The following MFSD2A variants were observed in gnomAD, a reference collection of about 807,000 sequenced individuals.
MFSD2A encodes MFSD2 lysolipid transporter A, lysophospholipid.
MFSD2A carries 27 observed loss-of-function variants against 64.7 expected under a neutral mutation model. The ratio of observed to expected loss-of-function variants is 0.42; its 90% confidence interval spans 0.31 to 0.58. The LOEUF is 0.58. MFSD2A is among the 20% of genes least tolerant of loss of function. MFSD2A has a pLI of 0.18. For synonymous variants in MFSD2A, 258 were observed against 273.4 expected (o/e 0.94, Z 0.55); for missense variants, 474 against 679.5 (o/e 0.70, Z 3.36).
At chr1:39,967,946 T>A in intron 11 of MFSD2A, 30 bp downstream of exon 11, 1 of 1,416,994 alleles carries the variant, frequency 7.1e-7, no homozygotes. Flanking sequence ...CCTCCTCGGG[T>A]ATCTCCAGCC....
chr1:39,962,572 G>C lies in MFSD2A; in HGVS notation c.354-2639G>C, dbSNP rs1179742685. 3 of 633,172 alleles carry C rather than the reference G, an allele frequency of 4.7e-6. No homozygotes were observed. In the African/African-American group the frequency reaches 5.5e-5, roughly 12 times the overall value. 39.2% of individuals were successfully genotyped at this position (633,172 alleles called of 1,614,324 possible). On this transcript the variant is annotated intron_variant, in intron 3 of 13. Transcript: ENST00000372811. ...ATGGCGGATGACACTGGTGCAGCGG[G>C]GGGGCCTGGAGGCCCTGGTGGCCCT...
At position 39,958,597 on chromosome 1, in the gene MFSD2A, A is replaced by G; in HGVS notation, c.229-104A>G. The G allele has an allele frequency of 1.3e-6, 2 of 1,590,436 alleles. No individual in the cohort carries two copies. The highest frequency in any genetic ancestry group is 2.2e-5 in the South Asian group (2 of 90,270). Reference sequence around the variant, plus strand: ...CATGTGGGAGCAGCTCAGGGTCACAAGATCCTGGCTGAGATAGGGAGGGAG... The same window carrying G: ...CATGTGGGAGCAGCTCAGGGTCACAGGATCCTGGCTGAGATAGGGAGGGAG... On this transcript the variant is annotated intron_variant, in intron 2 of 13. Transcript: ENST00000372811. This position sits in a 1 kb window ranked among gnomAD's most constrained non-coding sequence, Gnocchi z 4.7.
Position 39,964,963 on chromosome 1 carries a change from T to G in MFSD2A, c.354-248T>G. 4 of 560,246 alleles carry G rather than the reference T, an allele frequency of 7.1e-6. No individual in the cohort carries two copies. In the East Asian group the frequency reaches 1.2e-4, roughly 17 times the overall value. The allele number at this position is 560,246 out of a possible 1,614,324, so 34.7% of individuals were successfully genotyped here. A position where few individuals can be genotyped will look rare whatever the true frequency, so the allele number is the denominator to read the frequency against. On this transcript the variant is annotated intron_variant, in intron 3 of 13. Transcript: ENST00000372811. The surrounding 1 kb of genome is among the most constrained non-coding windows in gnomAD (Gnocchi z 4.1). ...AGAGGCTGCTGCCTCTGGACTAGAC[T>G]CAGGCTCTGACCTCACACTCCATGC...
chr1:39,965,376 A>C lies in MFSD2A; in HGVS notation c.477+42A>C. 2 of 1,613,478 alleles carry C rather than the reference A, an allele frequency of 1.2e-6. No homozygotes were observed. The highest frequency in any genetic ancestry group is 1.3e-5 in the African/African-American group (1 of 74,918). The stretch of plus-strand genomic sequence containing the variant: ...CCCTTGGGTGTCTCTAGGGGCCGGG[A>C]GGAGGGCGGTCCTTGGGGCCCCCAG... On this transcript the variant is annotated intron_variant, in intron 4 of 13. Coordinates refer to ENST00000372811, the MANE Select transcript of MFSD2A (RefSeq NM_032793.5). The surrounding 1 kb of genome is among the most constrained non-coding windows in gnomAD (Gnocchi z 5.5).
Position 39,958,952 on chromosome 1 carries a change from G to A in MFSD2A, c.353+127G>A. The A allele has an allele frequency of 8.5e-7, 1 of 1,169,848 alleles. No homozygotes were observed. Among genetic ancestry groups the A allele is most frequent in the Non-Finnish European group, 1.2e-6 (1 of 835,640 alleles). 72.5% of individuals were successfully genotyped at this position (1,169,848 alleles called of 1,614,324 possible). A position where few individuals can be genotyped will look rare whatever the true frequency, so the allele number is the denominator to read the frequency against. On this transcript the variant is annotated intron_variant, in intron 3 of 13. Transcript: ENST00000372811. This position sits in a 1 kb window ranked among gnomAD's most constrained non-coding sequence, Gnocchi z 4.7. Reference sequence around the variant, plus strand: ...GAAGGAAGGAGTTAAAAGCCCAAGGGTGTTGAAACCCCATCCGAGGCATCA... The same window carrying A: ...GAAGGAAGGAGTTAAAAGCCCAAGGATGTTGAAACCCCATCCGAGGCATCA...
rs1285121217 is a variant in MFSD2A, at chr1:39,963,777, C to T, written c.354-1434C>T. The stretch of plus-strand genomic sequence containing the variant: ...TTGAGACAGGGCCTCACTCCGTCAC[C>T]AGGCTGGAGTGCAGTGGTGCGATCT... On this transcript the variant is annotated intron_variant, in intron 3 of 13. Coordinates refer to ENST00000372811, the MANE Select transcript of MFSD2A (RefSeq NM_032793.5). This position sits in a 1 kb window ranked among gnomAD's most constrained non-coding sequence, Gnocchi z 4.2. 3.9e-5 allele frequency among the ~76,000 whole-genome samples: 6 copies of T among 152,212 alleles called. No homozygotes were observed. Among genetic ancestry groups the T allele is most frequent in the African/African-American group, 1.4e-4 (6 of 41,456 alleles).
rs1423732632 is a variant in MFSD2A at position 39,958,893 on chromosome 1, T to C, written c.353+68T>C. On this transcript the variant is annotated intron_variant, in intron 3 of 13. Transcript: ENST00000372811. This position sits in a 1 kb window ranked among gnomAD's most constrained non-coding sequence, Gnocchi z 4.7. Reference sequence around the variant, plus strand: ...TCCAGCATATCTGCTCCTTGGTCCTTCTCTCTGTCTTGTCACAGGCAGAAG... The same window carrying C: ...TCCAGCATATCTGCTCCTTGGTCCTCCTCTCTGTCTTGTCACAGGCAGAAG... The C allele has an allele frequency of 1.3e-6, 2 of 1,493,912 alleles. No homozygotes were observed. Among genetic ancestry groups the C allele is most frequent in the African/African-American group, 2.8e-5 (2 of 71,208 alleles). 92.5% of individuals were successfully genotyped at this position (1,493,912 alleles called of 1,614,324 possible). A position where few individuals can be genotyped will look rare whatever the true frequency, so the allele number is the denominator to read the frequency against.
In MFSD2A at chr1:39,955,342, C is replaced by G. The variant is rs944330586; in HGVS notation, c.50C>G (p.Pro17Arg). 2 of 1,452,716 alleles carry G rather than the reference C, an allele frequency of 1.4e-6. No homozygotes were observed. The highest frequency in any genetic ancestry group is 1.8e-6 in the Non-Finnish European group (2 of 1,100,854). 90.0% of individuals were successfully genotyped at this position (1,452,716 alleles called of 1,614,324 possible). The stretch of plus-strand genomic sequence containing the variant: ...AGCGGCTCCGCGGCGGGGCTGCTAC[C>G]CACCAGCATCCTCCAAAGCACTGAA... ...AESGSAAGLL[P>R]TSILQSTERP... Residue 17 changes from proline (P) to arginine (R), a missense_variant, in exon 1 of 14, where the codon CCC (proline) becomes CGC (arginine). Transcript: ENST00000372811. This position sits in a 1 kb window ranked among gnomAD's most constrained non-coding sequence, Gnocchi z 5.9.
At chr1:39,969,362 AAGTGGG>A (rs1645234253) in intron 13 of MFSD2A, 137 bp from the exon 14 acceptor site, 1 of 598,644 alleles carries the variant, frequency 1.7e-6, no homozygotes, top group African/African-American at 1.9e-5. Context: ...CAACAGTTGA[AAGTGGG>A]AGTGAGCAAA....
chr1:39,961,706 C>G (rs752022865), intron 3 of MFSD2A, among the ~76,000 whole-genome samples: 2 of 151,628 alleles, frequency 1.3e-5, no homozygotes, highest in African/African-American at 2.4e-5. Flanking sequence ...GAGATGGGGT[C>G]TTGTTATGTT....
Position 39,968,759 on chromosome 1 carries a change from G to C in MFSD2A, c.1529+14G>C. The stretch of plus-strand genomic sequence containing the variant: ...GCAGGCACTGAGGTGAGTGGGGAGG[G>C]GACAGGATGCTGGAGGAGGGGACGT... On this transcript the variant is annotated intron_variant, in intron 13 of 13. Transcript: ENST00000372811. The surrounding 1 kb of genome is among the most constrained non-coding windows in gnomAD (Gnocchi z 4.4). The C allele has an allele frequency of 2.5e-6, 4 of 1,613,646 alleles. No homozygotes were observed. Among genetic ancestry groups the C allele is most frequent in the Non-Finnish European group, 3.4e-6 (4 of 1,179,858 alleles).
At position 39,966,685 on chromosome 1, in the gene MFSD2A, C is replaced by T. The variant is rs1557638412; in HGVS notation, c.799C>T (p.Gln267Ter). 6.2e-7 allele frequency: 1 copy of T among 1,613,910 alleles called. No homozygotes were observed. ...AVILILGVRE[Q>*]REPYEAQQSE... is the part of the protein sequence containing the mutation. ...CATCCTGATCCTGGGCGTGCGGGAGCAGAGAGGTAAGGGGGTGCCTGGGAA... is the reference window on the plus strand; with the variant it reads ...CATCCTGATCCTGGGCGTGCGGGAGTAGAGAGGTAAGGGGGTGCCTGGGAA... Residue 267 changes from glutamine to a stop codon, truncating the protein, a stop_gained, in exon 7 of 14, where the codon CAG (glutamine) becomes TAG (stop). Transcript: ENST00000372811. LOFTEE classifies it high-confidence loss of function.
In MFSD2A at chr1:39,955,740, G is replaced by A. The variant is rs756242549; in HGVS notation, c.93+355G>A. ...CCCAGAAATCTGGGAAACTCCCCTT[G>A]GTTCCCCATCTCTCATCCCCTACCT... On this transcript the variant is annotated intron_variant, in intron 1 of 13. Transcript: ENST00000372811. The surrounding 1 kb of genome is among the most constrained non-coding windows in gnomAD (Gnocchi z 5.9). 42 of 511,292 alleles carry A rather than the reference G, an allele frequency of 8.2e-5. No individual in the cohort carries two copies. The highest frequency in any genetic ancestry group is 6.2e-4 in the South Asian group (39 of 63,366). 31.7% of individuals were successfully genotyped at this position (511,292 alleles called of 1,614,324 possible).
In MFSD2A at chr1:39,965,788, C is replaced by T; in HGVS notation, c.557-69C>T. The stretch of plus-strand genomic sequence containing the variant: ...CTGGAGCTACCGCTGGGCTCCCACC[C>T]ATTTGACCTTCCTCCCTGGGCCCAC... On this transcript the variant is annotated intron_variant, in intron 5 of 13. Coordinates refer to ENST00000372811, the MANE Select transcript of MFSD2A (RefSeq NM_032793.5). The surrounding 1 kb of genome is among the most constrained non-coding windows in gnomAD (Gnocchi z 5.5). 1 of 1,591,368 alleles carries T rather than the reference C, an allele frequency of 6.3e-7. No individual in the cohort carries two copies. The highest frequency in any genetic ancestry group is 8.6e-7 in the Non-Finnish European group (1 of 1,165,230).
rs753913863 is a variant in MFSD2A, at chr1:39,963,341, C to T, written c.354-1870C>T. 90 of 1,030,548 alleles carry T rather than the reference C, an allele frequency of 8.7e-5. No individual in the cohort carries two copies. Among genetic ancestry groups the T allele is most frequent in the Non-Finnish European group, 1.2e-4 (85 of 689,730 alleles). The allele number at this position is 1,030,548 out of a possible 1,614,324, so 63.8% of individuals were successfully genotyped here. ...AGGAGACTGTATTCACCAAGTCTCC[C>T]GATCAGGAATTCACTGACCACCTCA... On this transcript the variant is annotated intron_variant, in intron 3 of 13. Transcript: ENST00000372811. The surrounding 1 kb of genome is among the most constrained non-coding windows in gnomAD (Gnocchi z 4.2).
chr1:39,959,093 T>A (rs1644983089), intron 3 of MFSD2A, among the ~76,000 whole-genome samples: 1 of 152,096 alleles, frequency 6.6e-6, no homozygotes, highest in African/African-American at 2.4e-5. Flanking sequence ...TTCCCCTTGG[T>A]GAAGCTGGAA....
In MFSD2A at chr1:39,967,803, G is replaced by A; in HGVS notation, c.1096-1G>A. 1 of 1,613,102 alleles carries A rather than the reference G, an allele frequency of 6.2e-7. No individual in the cohort carries two copies. The highest frequency in any genetic ancestry group is 8.5e-7 in the Non-Finnish European group (1 of 1,179,140). On this transcript the variant is annotated splice_acceptor_variant, in intron 10 of 13. Coordinates refer to ENST00000372811, the MANE Select transcript of MFSD2A (RefSeq NM_032793.5). LOFTEE classifies it high-confidence loss of function. Reference sequence around the variant, plus strand: ...TCATCTTCCTGCACCCCCTTCCCTAGTCAGCAGTGCCATTTCTCATCTTGG... The same window carrying A: ...TCATCTTCCTGCACCCCCTTCCCTAATCAGCAGTGCCATTTCTCATCTTGG...
In MFSD2A at chr1:39,965,913, G is replaced by T; in HGVS notation, c.613G>T (p.Val205Leu). The T allele has an allele frequency of 6.2e-7, 1 of 1,614,154 alleles. No homozygotes were observed. The highest frequency in any genetic ancestry group is 1.3e-5 in the African/African-American group (1 of 75,046). The change falls in exon 6 of 14, where the codon GTG becomes TTG. Residue 205 changes from valine to leucine, a missense_variant. Transcript: ENST00000372811. This position sits in a 1 kb window ranked among gnomAD's most constrained non-coding sequence, Gnocchi z 5.5. ...VLGTAIQGQI[V>L]GQADTPCFQD... The stretch of plus-strand genomic sequence containing the variant: ...GGGCACGGCGATCCAGGGACAAATC[G>T]TGGGCCAAGCAGACACGCCTTGTTT...
rs1645119573 is a variant in MFSD2A, at chr1:39,964,751, G to C, written c.354-460G>C. 1 of 175,020 alleles carries C rather than the reference G, an allele frequency of 5.7e-6. No individual in the cohort carries two copies. The highest frequency in any genetic ancestry group is 6.1e-5 in the Admixed American group (1 of 16,510). The allele number at this position is 175,020 out of a possible 1,614,324, so 10.8% of individuals were successfully genotyped here. A position where few individuals can be genotyped will look rare whatever the true frequency, so the allele number is the denominator to read the frequency against. ...AATGATGTGTGTGTGAATGAGGTGT[G>C]TGTGAATGGGGTGTGTGTGTGTGTG... On this transcript the variant is annotated intron_variant, in intron 3 of 13. Transcript: ENST00000372811. The surrounding 1 kb of genome is among the most constrained non-coding windows in gnomAD (Gnocchi z 4.1).
Sources: allele counts gnomAD v4.1 joint callset (sites outside exome capture counted in the v4.1 genomes callset), GRCh38; gene constraint gnomAD v4.1.1; non-coding constraint Gnocchi (gnomAD v3.1); transcripts MANE v1.5; gene names NCBI Gene and HGNC (gene_info 2026-07-23, HGNC 2026-07-21).